Variants in RSPO2 observed in about 807,000 individuals in gnomAD.
RSPO2 encodes the protein R-spondin 2.
RSPO2 carries 14 observed loss-of-function variants against 30.9 expected under a neutral mutation model. The ratio of observed to expected loss-of-function variants is 0.45; its 90% confidence interval spans 0.30 to 0.71. RSPO2 has a LOEUF of 0.71. Ranked by LOEUF, RSPO2 falls within the 30% of genes least tolerant of loss-of-function variation. The pLI, the probability that RSPO2 is intolerant of heterozygous loss-of-function variation, is 0.08. For missense variants in RSPO2, 264 were observed against 301.9 expected (o/e 0.87, Z 0.93); for synonymous variants, 107 against 96.4 (o/e 1.11, Z -0.64).
intron 2 of RSPO2, among the ~76,000 whole-genome samples, chr8:108,032,322 A>G (rs1811448397): frequency 6.6e-6 from 1 of 152,162 alleles, no homozygotes; most frequent in African/African-American, 2.4e-5. Context: ...GGATCCATTC[A>G]TTTGTCTTTG....
intron 5 of RSPO2, among the ~76,000 whole-genome samples, chr8:107,952,276 C>G (rs1216761281): frequency 9.1e-6 from 1 of 110,396 alleles, no homozygotes; most frequent in African/African-American, 3.1e-5. Flanking sequence ...TCACTTAAAA[C>G]ACACACACAC....
chr8:108,024,662 CTCTT>C (rs921426317), intron 2 of RSPO2, among the ~76,000 whole-genome samples: 7 of 152,180 alleles, frequency 4.6e-5, no homozygotes, highest in Admixed American at 2.0e-4. Flanking sequence ...ACACACACAC[CTCTT>C]TCTATTGTTC....
At chr8:108,066,330 A>G (rs1812666709) in intron 2 of RSPO2, among the ~76,000 whole-genome samples, 1 of 152,196 alleles carries the variant, frequency 6.6e-6, no homozygotes. Flanking sequence ...AAGCTACTGT[A>G]TGTTCAACTC....
intron 2 of RSPO2, among the ~76,000 whole-genome samples, chr8:108,049,286 C>T (rs181386055): frequency 5.6e-4 from 85 of 152,054 alleles, no homozygotes; most frequent in Admixed American, 1.0e-3. Flanking sequence ...AGCCCAACCA[C>T]ACGATATATT....
chr8:108,057,035 A>G (rs1812270519), intron 2 of RSPO2, among the ~76,000 whole-genome samples: 2 of 131,662 alleles, frequency 1.5e-5, no homozygotes, highest in East Asian at 2.2e-4. Flanking sequence ...CCAGCCTGGC[A>G]ACAGAGTGAG....
At chr8:107,976,036 C>A (rs1205493887) in intron 3 of RSPO2, among the ~76,000 whole-genome samples, 1 of 152,216 alleles carries the variant, frequency 6.6e-6, no homozygotes, top group Non-Finnish European at 1.5e-5. Context: ...CTTTCTCCAG[C>A]TGGCAGGAGC....
chr8:107,942,857 G>A (rs1036340176), intron 5 of RSPO2, among the ~76,000 whole-genome samples: 6 of 152,202 alleles, frequency 3.9e-5, no homozygotes, highest in African/African-American at 1.4e-4. Flanking sequence ...AATTATAGTT[G>A]CTGTTTTTAT....
intron 2 of RSPO2, among the ~76,000 whole-genome samples, chr8:108,037,687 G>A (rs933219129): frequency 8.5e-5 from 13 of 152,292 alleles, no homozygotes; most frequent in Non-Finnish European, 1.6e-4. Context: ...CTTGTTAGGG[G>A]CTAATGCAGC....
chr8:108,068,343 G>T (rs1812735003), intron 2 of RSPO2, among the ~76,000 whole-genome samples: 1 of 152,130 alleles, frequency 6.6e-6, no homozygotes, highest in South Asian at 2.1e-4. Flanking sequence ...TCCAGGGGGT[G>T]CCATTAATAT....
intron 2 of RSPO2, among the ~76,000 whole-genome samples, chr8:108,022,982 G>A (rs1811103017): frequency 2.0e-5 from 3 of 151,000 alleles, no homozygotes; most frequent in Non-Finnish European, 4.4e-5. Flanking sequence ...CTGGAGAAGG[G>A]AAATAAAGGA....
intron 5 of RSPO2, among the ~76,000 whole-genome samples, chr8:107,932,417 C>A (rs1264065138): frequency 1.3e-5 from 2 of 151,958 alleles, no homozygotes; most frequent in Non-Finnish European, 2.9e-5. Context: ...CCCATTTGAG[C>A]AGAGAATTAG....
intron 2 of RSPO2, among the ~76,000 whole-genome samples, chr8:108,064,666 T>C (rs1394114512): frequency 1.3e-5 from 2 of 152,178 alleles, no homozygotes; most frequent in Non-Finnish European, 2.9e-5. Context: ...AGCCATCTCA[T>C]TACTGGGTAT....
chr8:108,034,578 G>A (rs1182668693), intron 2 of RSPO2, among the ~76,000 whole-genome samples: 1 of 152,122 alleles, frequency 6.6e-6, no homozygotes, highest in East Asian at 1.9e-4. Flanking sequence ...CTGAGTTATG[G>A]GTGTAGGAGG....
chr8:107,914,716 A>G (rs1811927725), intron 5 of RSPO2, among the ~76,000 whole-genome samples: 1 of 152,206 alleles, frequency 6.6e-6, no homozygotes, highest in African/African-American at 2.4e-5. Context: ...GGAATTAATG[A>G]ATTAAGACAC....
At chr8:107,905,548 T>TG (rs1163132946) in intron 5 of RSPO2, among the ~76,000 whole-genome samples, 1 of 152,048 alleles carries the variant, frequency 6.6e-6, no homozygotes, top group Non-Finnish European at 1.5e-5. Context: ...ACTTGAAACC[T>TG]GGGCTTCACT....
intron 2 of RSPO2, among the ~76,000 whole-genome samples, chr8:108,036,305 A>G (rs1033263185): frequency 6.6e-6 from 1 of 152,232 alleles, no homozygotes; most frequent in African/African-American, 2.4e-5. Context: ...CCTGTGTGCT[A>G]TAAATGGAGC....
chr8:108,027,352 G>A (rs1272064202), intron 2 of RSPO2, among the ~76,000 whole-genome samples: 2 of 152,084 alleles, frequency 1.3e-5, no homozygotes, highest in African/African-American at 2.4e-5. Flanking sequence ...GGTTCATTCC[G>A]TCTCTTAGTT....
At chr8:107,943,383 A>C (rs1484019742) in intron 5 of RSPO2, among the ~76,000 whole-genome samples, 1 of 152,168 alleles carries the variant, frequency 6.6e-6, no homozygotes, top group Non-Finnish European at 1.5e-5. Context: ...AAAACTTTGA[A>C]ATATGGGTGT....
intron 5 of RSPO2, among the ~76,000 whole-genome samples, chr8:107,906,651 G>A (rs1811657480): frequency 6.6e-6 from 1 of 151,918 alleles, no homozygotes; most frequent in South Asian, 2.1e-4. Context: ...AGTTCTTGAA[G>A]CTTTTTTCCT....
Sources: allele counts gnomAD v4.1 joint callset (sites outside exome capture counted in the v4.1 genomes callset), GRCh38; gene constraint gnomAD v4.1.1; transcripts MANE v1.5; gene names NCBI Gene and HGNC (gene_info 2026-07-23, HGNC 2026-07-21).